Variants in AGBL2 observed in about 807,000 individuals in gnomAD.
The protein encoded by AGBL2 is AGBL carboxypeptidase 2, also known as cytosolic carboxypeptidase 2.
AGBL2 carries 87 observed loss-of-function variants against 103.0 expected under a neutral mutation model. That is an observed-to-expected ratio of 0.84 (90% CI 0.71 to 1.01). The LOEUF (loss-of-function observed/expected upper bound fraction) is 1.01. Among genes scored for constraint, AGBL2 ranks in the 50% least tolerant of loss-of-function variants. The probability of loss-of-function intolerance (pLI) is 0.00; values close to 1 mark genes in which losing one functional copy is unlikely to be tolerated. For missense variants in AGBL2, 904 were observed against 1,023.5 expected, an observed-to-expected ratio of 0.88 and a Z score of 1.59; for synonymous variants, 335 against 356.7, an observed-to-expected ratio of 0.94 and a Z score of 0.69.
chr11:47,663,501 A>T (rs1001887161), intron 17 of AGBL2, among the ~76,000 whole-genome samples: 5 of 152,112 alleles, frequency 3.3e-5, no homozygotes, highest in Non-Finnish European at 7.4e-5. Flanking sequence ...TCTTGCCACC[A>T]GCTGTGCTCT....
Position 47,663,018 on chromosome 11 carries a change from T to C in AGBL2, c.2535+8A>G. On this transcript the variant is annotated splice_region_variant and intron_variant, in intron 18 of 18. Transcript: ENST00000525123. ...ATATAAGTATATACAGTATATTAGG[T>C]GAAGTACCTGCATTCTCCCTTTATT... The C allele has an allele frequency of 6.3e-7, 1 of 1,597,170 alleles. No individual in the cohort carries two copies. The highest frequency in any genetic ancestry group is 8.6e-7 in the Non-Finnish European group (1 of 1,167,046).
Position 47,714,869 on chromosome 11 carries a change from G to A in AGBL2, c.-100-119C>T, listed in dbSNP as rs1017539418. 5.6e-5 allele frequency: 32 copies of A among 575,518 alleles called. 1 individual carries two copies. In the African/African-American group the frequency reaches 6.0e-4, roughly 11 times the overall value. The allele number at this position is 575,518 out of a possible 1,614,324, so 35.7% of individuals were successfully genotyped here. A position where few individuals can be genotyped will look rare whatever the true frequency, so the allele number is the denominator to read the frequency against. ...AGCTTCTCCTCAGCTAAACAAGGTG[G>A]TCACGCCGAGGCCAGAGGTGCATCT... On this transcript the variant is annotated intron_variant, in intron 1 of 18. Transcript: ENST00000525123.
intron 11 of AGBL2, 118 bp from the exon 12 acceptor site, chr11:47,682,213 T>C (rs1327877171): frequency 9.5e-7 from 1 of 1,057,154 alleles, no homozygotes; most frequent in South Asian, 1.6e-5. Flanking sequence ...TCCCAAAGCA[T>C]GTTCCACAAA....
At chr11:47,683,335 T>G (rs548065982) in intron 11 of AGBL2, among the ~76,000 whole-genome samples, 3 of 151,746 alleles carry the variant, frequency 2.0e-5, no homozygotes, top group Non-Finnish European at 4.4e-5. Flanking sequence ...ATCGTGCCAC[T>G]GACTCCGGCT....
At chr11:47,691,729 A>AAAAAAAAAAATATATATATATATATAT in intron 9 of AGBL2, among the ~76,000 whole-genome samples, 1 of 4,850 alleles carries the variant, frequency 2.1e-4, no homozygotes, top group African/African-American at 7.2e-4. Flanking sequence ...AAAAAAAAAA[A>AAAAAAAAAAATATATATATATATATAT]ATATATATAT....
intron 7 of AGBL2, among the ~76,000 whole-genome samples, chr11:47,704,155 C>T (rs887865116): frequency 2.0e-4 from 31 of 151,706 alleles, no homozygotes; most frequent in African/African-American, 3.6e-4. Context: ...TACTTAAGCA[C>T]GTAGGACTTA....
intron 11 of AGBL2, among the ~76,000 whole-genome samples, chr11:47,683,192 G>A (rs373033892): frequency 2.0e-4 from 31 of 151,974 alleles, no homozygotes; most frequent in African/African-American, 7.2e-4. Context: ...CCAAGATGGC[G>A]AAACCCCGAC....
intron 14 of AGBL2, among the ~76,000 whole-genome samples, chr11:47,676,712 G>C (rs776732820): frequency 6.6e-6 from 1 of 151,722 alleles, no homozygotes; most frequent in Non-Finnish European, 1.5e-5. Context: ...CCAGCTACTC[G>C]GGAGGCTGAG....
Position 47,667,633 on chromosome 11 carries a change from G to T in AGBL2, c.2278C>A (p.Arg760=), listed in dbSNP as rs377064786. The change falls in exon 16 of 19, where the codon CGA becomes AGA. Residue 760 remains arginine, a synonymous_variant. Coordinates refer to ENST00000525123, the MANE Select transcript of AGBL2 (RefSeq NM_024783.4). The part of the protein sequence containing the change: ...KKKSLQTRKQ[R]NEQYQKKNLM... The stretch of plus-strand genomic sequence containing the variant: ...TTTTTTTTCTGATACTGCTCATTTC[G>T]CTGTTTCCTAGTCTGAAGTGACTTC... 3 of 1,613,198 alleles carry T rather than the reference G, an allele frequency of 1.9e-6. No individual in the cohort carries two copies. Among genetic ancestry groups the T allele is most frequent in the Non-Finnish European group, 2.5e-6 (3 of 1,179,528 alleles).
In AGBL2 at chr11:47,666,974, T is replaced by C; in HGVS notation, c.2430A>G (p.Glu810=). 6.2e-7 allele frequency: 1 copy of C among 1,612,968 alleles called. No homozygotes were observed. Among genetic ancestry groups the C allele is most frequent in the East Asian group, 2.2e-5 (1 of 44,870 alleles). Residue 810 remains glutamate (E), a synonymous_variant, in exon 17 of 19, where the codon GAA becomes GAG. Coordinates refer to ENST00000525123, the MANE Select transcript of AGBL2 (RefSeq NM_024783.4). ...ATACTACCTCATTTAACCTTGGGTT[T>C]TCATTTTTCATTGGTAAAAAACTGG... ...ENSSFLPMKN[E]NPRLNETNLN... is the part of the protein sequence containing the mutation.
intron 14 of AGBL2, among the ~76,000 whole-genome samples, chr11:47,675,261 T>C (rs1465026621): frequency 7.2e-6 from 1 of 138,550 alleles, no homozygotes; most frequent in African/African-American, 2.7e-5. Flanking sequence ...CAGATTGTAG[T>C]ACACTAGCGC....
intron 10 of AGBL2, among the ~76,000 whole-genome samples, chr11:47,686,446 G>GT (rs1565044623): frequency 1.9e-4 from 24 of 128,098 alleles, no homozygotes; most frequent in African/African-American, 4.7e-4. Flanking sequence ...TTTTGTTTCT[G>GT]GTTTTTTTTT....
At chr11:47,671,556 A>AC (rs2097357640) in intron 14 of AGBL2, among the ~76,000 whole-genome samples, 1 of 151,228 alleles carries the variant, frequency 6.6e-6, no homozygotes, top group African/African-American at 2.4e-5. Context: ...AAACAAACAA[A>AC]AAACACTTAT....
Position 47,678,343 on chromosome 11 carries a change from A to ATTTTTTTTTTTTTTTTT in AGBL2, c.2017-943_2017-942insAAAAAAAAAAAAAAAAA, listed in dbSNP as rs1440515781. Among the ~76,000 whole-genome samples, 29 of 116,850 alleles carry ATTTTTTTTTTTTTTTTT rather than the reference A, an allele frequency of 2.5e-4. 1 individual carries two copies. The highest frequency in any genetic ancestry group is 1.4e-3 in the South Asian group (4 of 2,778). The allele number at this position is 116,850 out of a possible 152,430, so 76.7% of individuals were successfully genotyped here. On this transcript the variant is annotated intron_variant, in intron 13 of 18. Coordinates refer to ENST00000525123, the MANE Select transcript of AGBL2 (RefSeq NM_024783.4). The stretch of plus-strand genomic sequence containing the variant: ...TTATTTTATTTTATTTTATTATTTT[A>ATTTTTTTTTTTTTTTTT]TTTTTTTTGAGACGGAGTCTTGCTC...
chr11:47,705,773 G>C, intron 5 of AGBL2, 91 bp downstream of exon 5: 1 of 1,135,234 alleles, frequency 8.8e-7, no homozygotes, highest in Non-Finnish European at 1.3e-6. Context: ...TTCCTGTCTG[G>C]TAATTCTTAG....
intron 14 of AGBL2, among the ~76,000 whole-genome samples, chr11:47,672,615 G>A (rs995379037): frequency 7.9e-5 from 12 of 152,110 alleles, no homozygotes; most frequent in African/African-American, 2.6e-4. Context: ...GCATCCAGCC[G>A]GCATTTTGTT....
At chr11:47,712,620 C>T (rs1038200902) in intron 3 of AGBL2, among the ~76,000 whole-genome samples, 1 of 152,146 alleles carries the variant, frequency 6.6e-6, no homozygotes, top group African/African-American at 2.4e-5. Context: ...ATGTCATAAG[C>T]GGGCTGGGGA....
intron 8 of AGBL2, among the ~76,000 whole-genome samples, chr11:47,697,320 C>T (rs1346417446): frequency 6.6e-6 from 1 of 152,018 alleles, no homozygotes; most frequent in Non-Finnish European, 1.5e-5. Flanking sequence ...TCACTGCAAC[C>T]TCCACCTCCC....
At chr11:47,693,972 T>C (rs7943213) in intron 8 of AGBL2, among the ~76,000 whole-genome samples, 53,375 of 151,904 alleles carry the variant, frequency 0.35, 10,607 homozygotes, top group South Asian at 0.52. Flanking sequence ...AGAGGATTGC[T>C]TGGGCTCAGA....
Sources: gnomAD v4.1 joint callset for allele counts (sites outside exome capture counted in the v4.1 genomes callset) on GRCh38, gnomAD v4.1.1 for gene constraint, MANE v1.5 for transcripts, NCBI Gene and HGNC (gene_info 2026-07-23, HGNC 2026-07-21) for gene names.